Variants in AARSD1 observed in about 807,000 individuals in gnomAD.
The protein encoded by AARSD1 is alanyl-tRNA synthetase domain containing 1.
A neutral mutation model predicts 48.7 loss-of-function variants in AARSD1; 44 were observed. The observed-to-expected ratio is 0.90, with a 90% CI of 0.71 to 1.16. AARSD1 has a LOEUF of 1.16. Among genes scored for constraint, AARSD1 ranks in the 50% most tolerant of loss-of-function variants. AARSD1 has a pLI of 0.00. For synonymous variants in AARSD1, 189 were observed against 194.9 expected, an observed-to-expected ratio of 0.97 and a Z score of 0.25; for missense variants, 511 against 523.1, an observed-to-expected ratio of 0.98 and a Z score of 0.23.
At position 42,955,851 on chromosome 17, in the gene AARSD1, G is replaced by A. The variant is rs753949409; in HGVS notation, c.785C>T (p.Ala262Val). Reference sequence around the variant, plus strand: ...ACTGAAACAGGCATACTTAAGCAGAGCAGTCAGTGCTTTTTCAGTTCCATG... The same window carrying A: ...ACTGAAACAGGCATACTTAAGCAGAACAGTCAGTGCTTTTTCAGTTCCATG... The part of the protein sequence containing the change: ...RSHGTEKALT[A>V]LLKCGAEDHV... Residue 262 changes from alanine (A) to valine (V), a missense_variant, in exon 7 of 12, where the codon GCT becomes GTT. Ala to Val is a moderately conservative substitution (Grantham distance 64). Coordinates refer to ENST00000427569, the MANE Select transcript of AARSD1 (RefSeq NM_001261434.2). The A allele has an allele frequency of 5.6e-6, 9 of 1,614,010 alleles. No homozygotes were observed. In the South Asian group the frequency reaches 9.9e-5, roughly 18 times the overall value.
chr17:42,953,136 C>G (rs958599468), intron 10 of AARSD1, among the ~76,000 whole-genome samples: 1 of 152,016 alleles, frequency 6.6e-6, no homozygotes, highest in Non-Finnish European at 1.5e-5. Flanking sequence ...CATGCCACCA[C>G]GCCTAGCTAA....
At chr17:42,964,043 G>A in intron 2 of AARSD1, 63 bp downstream of exon 2, 1 of 1,605,570 alleles carries the variant, frequency 6.2e-7, no homozygotes, top group Admixed American at 1.7e-5. Flanking sequence ...AAAGGGGCAG[G>A]AGAGCATTTC....
intron 2 of AARSD1, among the ~76,000 whole-genome samples, chr17:42,962,021 G>T (rs62076375): frequency 6.6e-6 from 1 of 151,154 alleles, no homozygotes; most frequent in African/African-American, 2.4e-5. Flanking sequence ...AAAAAAAAGG[G>T]CCAGGTACAG....
At chr17:42,956,371 C>T in intron 5 of AARSD1, 33 bp downstream of exon 5, 1 of 1,614,082 alleles carries the variant, frequency 6.2e-7, no homozygotes, top group Non-Finnish European at 8.5e-7. Context: ...AGGAATCATT[C>T]CGCAGAAACC....
chr17:42,961,001 T>A (rs2049628931), intron 3 of AARSD1, 191 bp downstream of exon 3: 1 of 920,796 alleles, frequency 1.1e-6, no homozygotes, highest in Non-Finnish European at 1.5e-6. Context: ...ATTCTAATAC[T>A]TTTTTTTACT....
intron 10 of AARSD1, among the ~76,000 whole-genome samples, chr17:42,953,068 C>A (rs188662440): frequency 1.3e-5 from 2 of 152,334 alleles, no homozygotes; most frequent in Admixed American, 1.3e-4. Flanking sequence ...CAACCTCTGC[C>A]TACCAGGCTC....
intron 9 of AARSD1, chr17:42,953,995 T>C: frequency 3.4e-6 from 2 of 588,154 alleles, no homozygotes; most frequent in Non-Finnish European, 6.0e-6. Context: ...CCATCTCCCT[T>C]AAATAGGATT....
At chr17:42,964,258 G>A (rs751855766) in intron 1 of AARSD1, 21 bp from the exon 2 acceptor site, 6 of 1,554,034 alleles carry the variant, frequency 3.9e-6, no homozygotes, top group Non-Finnish European at 5.2e-6. Flanking sequence ...AGGAATGAGA[G>A]AATAAGCCCC....
At chr17:42,961,163 G>C in intron 3 of AARSD1, 29 bp downstream of exon 3, 2 of 1,591,030 alleles carry the variant, frequency 1.3e-6, no homozygotes, top group Non-Finnish European at 1.7e-6. Flanking sequence ...CAACTGCTCC[G>C]GTGTTATGTC....
At chr17:42,958,322 G>A (rs1424559267) in intron 3 of AARSD1, among the ~76,000 whole-genome samples, 1 of 152,002 alleles carries the variant, frequency 6.6e-6, no homozygotes, top group Non-Finnish European at 1.5e-5. Flanking sequence ...ACAACGTGGT[G>A]AAACCTCGTC....
At chr17:42,954,843 C>G (rs767264120) in intron 9 of AARSD1, 33 bp downstream of exon 9, 1 of 1,610,282 alleles carries the variant, frequency 6.2e-7, no homozygotes, top group Non-Finnish European at 8.5e-7. Context: ...CAACACAGTT[C>G]CCCTTCCTTG....
At chr17:42,953,847 C>A in intron 9 of AARSD1, 69 bp from the exon 10 acceptor site, 2 of 1,603,452 alleles carry the variant, frequency 1.2e-6, no homozygotes, top group Non-Finnish European at 1.7e-6. Flanking sequence ...GAAGCCTGGC[C>A]CCTCCTTCTG....
chr17:42,950,675 C>A lies in AARSD1; in HGVS notation c.1157G>T (p.Gly386Val). Reference sequence around the variant, plus strand: ...CCGCCGGCTCATCTTGGTGGCCTTGCCCTGAAAACGGCCTTTCTTCCCTGC... The same window carrying A: ...CCGCCGGCTCATCTTGGTGGCCTTGACCTGAAAACGGCCTTTCTTCCCTGC... ...KGAGKKGRFQ[G>V]KATKMSRRME... The change falls in exon 12 of 12, where the codon GGC becomes GTC. Residue 386 changes from glycine (G) to valine (V), a missense_variant. By Grantham distance (109) the Gly-to-Val change is moderately radical. Coordinates refer to ENST00000427569, the MANE Select transcript of AARSD1 (RefSeq NM_001261434.2). 6.2e-7 allele frequency: 1 copy of A among 1,613,940 alleles called. No individual in the cohort carries two copies. The highest frequency in any genetic ancestry group is 8.5e-7 in the Non-Finnish European group (1 of 1,179,992).
At chr17:42,955,720 T>A in intron 7 of AARSD1, 122 bp downstream of exon 7, 3 of 1,528,250 alleles carry the variant, frequency 2.0e-6, no homozygotes, top group Non-Finnish European at 2.6e-6. Flanking sequence ...GGATTACAGA[T>A]GTGGGCCACC....
At chr17:42,956,820 A>G (rs2049561443) in intron 4 of AARSD1, among the ~76,000 whole-genome samples, 1 of 147,502 alleles carries the variant, frequency 6.8e-6, no homozygotes, top group Non-Finnish European at 1.5e-5. Flanking sequence ...GGCGCCCGCC[A>G]CCACGCCCGG....
In AARSD1 at chr17:42,956,131, C is replaced by T. The variant is rs751399043; in HGVS notation, c.663+73G>A. On this transcript the variant is annotated intron_variant, in intron 6 of 11. Transcript: ENST00000427569. ...GGACTCCTCGATTATCCCCCTCTCCCACTCCCAGCCCCATGTGATCCCCTC... is the reference window on the plus strand; with the variant it reads ...GGACTCCTCGATTATCCCCCTCTCCTACTCCCAGCCCCATGTGATCCCCTC... 85 of 1,611,392 alleles carry T rather than the reference C, an allele frequency of 5.3e-5. 1 individual carries two copies. Among genetic ancestry groups the T allele is most frequent in the Non-Finnish European group, 7.0e-5 (83 of 1,178,518 alleles).
rs532358512 is a variant in AARSD1 at position 42,955,253 on chromosome 17, C to T, written c.795-29G>A. On this transcript the variant is annotated intron_variant, in intron 7 of 11. Coordinates refer to ENST00000427569, the MANE Select transcript of AARSD1 (RefSeq NM_001261434.2). ...AAAGAGAAAGGTCAGAGGAGACCTG[C>T]GCAGCTTCCCAGTCGTTTCTGATGT... 9.3e-6 allele frequency: 15 copies of T among 1,612,682 alleles called. No homozygotes were observed. In the East Asian group the frequency reaches 1.1e-4, roughly 12 times the overall value.
rs766195779 is a variant in AARSD1 at position 42,951,890 on chromosome 17, G to A, written c.1013C>T (p.Thr338Ile). The A allele has an allele frequency of 2.5e-6, 4 of 1,613,522 alleles. No homozygotes were observed. The highest frequency in any genetic ancestry group is 2.2e-5 in the East Asian group (1 of 44,876). Residue 338 changes from threonine to isoleucine, a missense_variant, in exon 11 of 12, where the codon ACC (threonine) becomes ATC (isoleucine). Transcript: ENST00000427569. ...IIANEIGSEETLLFLTVGDEK... is the reference protein window; with the variant it reads ...IIANEIGSEEILLFLTVGDEK... ...ATCGCCCACAGTTAAGAACAGGAGG[G>A]TCTCCTAGGAGGTAAGACAAGGAGA...
chr17:42,956,524 G>T lies in AARSD1; in HGVS notation c.426C>A (p.Asp142Glu), dbSNP rs140763120. Residue 142 changes from aspartate (D) to glutamate (E), a missense_variant, in exon 5 of 12, where the codon GAC (aspartate) becomes GAA (glutamate). By Grantham distance (45) the Asp-to-Glu change is conservative. Coordinates refer to ENST00000427569, the MANE Select transcript of AARSD1 (RefSeq NM_001261434.2). ...LGRFRSAIELDTPSMTAEQVA... is the reference protein window; with the variant it reads ...LGRFRSAIELETPSMTAEQVA... ...CTTGCTCTGCAGTCATAGAGGGGGT[G>T]TCCAGCTCAATCGCACTCCGAAATC... 5.6e-6 allele frequency: 9 copies of T among 1,613,710 alleles called. No homozygotes were observed. The African/African-American group carries it at 1.2e-4, about 22-fold the overall frequency.
Sources: gnomAD v4.1 joint callset for allele counts (sites outside exome capture counted in the v4.1 genomes callset) on GRCh38, gnomAD v4.1.1 for gene constraint, MANE v1.5 for transcripts, NCBI Gene and HGNC (gene_info 2026-07-23, HGNC 2026-07-21) for gene names.